Variants in OTOGL observed in about 807,000 individuals in gnomAD.
OTOGL encodes otogelin like, also known as otogelin-like protein.
A neutral mutation model predicts 318.5 loss-of-function variants in OTOGL; 285 were observed. The ratio of observed to expected loss-of-function variants is 0.89; its 90% CI spans 0.81 to 0.99. The LOEUF (loss-of-function observed/expected upper bound fraction) is 0.99. OTOGL is among the 50% of genes least tolerant of loss of function. The pLI is 0.00. For missense variants in OTOGL, 2,899 were observed against 2,845.6 expected, an observed-to-expected ratio of 1.02 and a Z score of -0.43; for synonymous variants, 987 against 936.5, an observed-to-expected ratio of 1.05 and a Z score of -0.99.
chr12:80,353,510 G>GGTAA lies in OTOGL; in HGVS notation c.5593+2_5593+5dup. The GGTAA allele has an allele frequency of 6.5e-7, 1 of 1,533,898 alleles. No individual in the cohort carries two copies. The highest frequency in any genetic ancestry group is 8.8e-7 in the Non-Finnish European group (1 of 1,136,928). On this transcript the variant is annotated frameshift_variant and splice_region_variant. Coordinates refer to ENST00000547103, the MANE Select transcript of OTOGL (RefSeq NM_001378609.3). LOFTEE classifies it high-confidence loss of function. ...CCAGTGCATTCCAGAGAAAGAGTGT[G>GGTAA]GTAAGACACAAAGTACAAAATGACT...
chr12:80,320,700 G>A lies in OTOGL; in HGVS notation c.4081G>A (p.Glu1361Lys), dbSNP rs1415322589. ...ACATTCAAGTAGCTTCAGCATAGAA[G>A]GTATGTTTCCTGAGATCTCCAAAAA... ...FKHSSSFSIE[E>K]IQAAVPYRKM... is the part of the protein sequence containing the mutation. The change falls in exon 34 of 59, where the codon GAA becomes AAA. Residue 1361 changes from glutamate (E) to lysine (K), a missense_variant and splice_region_variant. Physicochemically the swap from Glu to Lys is moderately conservative, Grantham distance 56 (BLOSUM62 1). Transcript: ENST00000547103. 4 of 1,591,418 alleles carry A rather than the reference G, an allele frequency of 2.5e-6. No homozygotes were observed. Among genetic ancestry groups the A allele is most frequent in the Non-Finnish European group, 3.4e-6 (4 of 1,168,980 alleles).
chr12:80,350,946 A>C (rs540380021), intron 44 of OTOGL, among the ~76,000 whole-genome samples: 28 of 152,056 alleles, frequency 1.8e-4, no homozygotes, highest in Non-Finnish European at 3.4e-4. Context: ...TGTTTTCTGT[A>C]CTTTGGGGTT....
chr12:80,243,195 A>G (rs999943718), intron 11 of OTOGL, among the ~76,000 whole-genome samples: 1 of 152,132 alleles, frequency 6.6e-6, no homozygotes, highest in African/African-American at 2.4e-5. Flanking sequence ...TGACACCTTA[A>G]CCTACAGAGG....
chr12:80,355,732 T>G lies in OTOGL; in HGVS notation c.5594-4T>G. On this transcript the variant is annotated splice_polypyrimidine_tract_variant and splice_region_variant and intron_variant, in intron 46 of 58. Coordinates refer to ENST00000547103, the MANE Select transcript of OTOGL (RefSeq NM_001378609.3). Reference sequence around the variant, plus strand: ...AGTGTTATAATACTGTTGATCTTTTTAAGCATGCACTGATAGTGAAGACCA... The same window carrying G: ...AGTGTTATAATACTGTTGATCTTTTGAAGCATGCACTGATAGTGAAGACCA... 6.2e-7 allele frequency: 1 copy of G among 1,606,714 alleles called. No homozygotes were observed. Among genetic ancestry groups the G allele is most frequent in the Non-Finnish European group, 8.5e-7 (1 of 1,175,768 alleles).
At chr12:80,224,398 T>TG (rs112026395) in intron 7 of OTOGL, among the ~76,000 whole-genome samples, 3,371 of 152,100 alleles carry the variant, frequency 0.022, 131 homozygotes, top group African/African-American at 0.076. Flanking sequence ...TTTGGCTATG[T>TG]GGCTTTTTTG....
intron 1 of OTOGL, among the ~76,000 whole-genome samples, chr12:80,120,060 T>C (rs1033527503): frequency 1.3e-5 from 2 of 152,174 alleles, no homozygotes; most frequent in Non-Finnish European, 2.9e-5. Flanking sequence ...TTTAGACTTT[T>C]TACCATTTTT....
intron 1 of OTOGL, among the ~76,000 whole-genome samples, chr12:80,144,383 A>C (rs954336880): frequency 6.6e-6 from 1 of 151,110 alleles, no homozygotes; most frequent in African/African-American, 2.4e-5. Flanking sequence ...AAGGACATGA[A>C]CTCATCATTT....
At chr12:80,266,219 G>T in intron 20 of OTOGL, 1 of 498,846 alleles carries the variant, frequency 2.0e-6, no homozygotes, top group South Asian at 2.9e-5. Flanking sequence ...TACCATTTGC[G>T]AAGCTGAAAA....
At chr12:80,287,176 C>T (rs148215603) in intron 26 of OTOGL, among the ~76,000 whole-genome samples, 4 of 151,502 alleles carry the variant, frequency 2.6e-5, no homozygotes, top group Admixed American at 6.6e-5. Flanking sequence ...TTCAGGAGCA[C>T]GTTGTTCAGT....
At chr12:80,339,303 T>TTTA in intron 43 of OTOGL, 39 bp downstream of exon 43, 4 of 929,644 alleles carry the variant, frequency 4.3e-6, no homozygotes, top group Non-Finnish European at 5.9e-6. Flanking sequence ...CGTCTGTTTT[T>TTTA]TTTTTTTTTT....
chr12:80,124,162 T>C (rs1870662576), intron 1 of OTOGL, among the ~76,000 whole-genome samples: 1 of 152,256 alleles, frequency 6.6e-6, no homozygotes, highest in African/African-American at 2.4e-5. Context: ...AGGGTTTTTA[T>C]GGTTTTATGT....
chr12:80,267,387 T>G (rs1171028637), intron 22 of OTOGL, 60 bp downstream of exon 22: 6 of 839,958 alleles, frequency 7.1e-6, no homozygotes, highest in Admixed American at 4.2e-5. Context: ...TATAATTCTT[T>G]CTTTTATATA....
rs376241747 is a variant in OTOGL, at chr12:80,180,511, T to G, written c.-19-28902T>G. Among the ~76,000 whole-genome samples, 30 of 152,240 alleles carry G rather than the reference T, an allele frequency of 2.0e-4. 1 individual carries two copies. The highest frequency in any genetic ancestry group is 3.3e-4 in the Admixed American group (5 of 15,278). ...AAGGCCTCTGCAGTGAAGGAGTCTG[T>G]GGGGGAACACTAAGGGCAGTGCTAT... On this transcript the variant is annotated intron_variant, in intron 1 of 58. Transcript: ENST00000547103.
chr12:80,119,468 A>T lies in OTOGL; in HGVS notation c.-20+19863A>T, dbSNP rs111271921. Among the ~76,000 whole-genome samples the T allele has an allele frequency of 3.0e-3, 460 of 152,326 alleles. 4 individuals carry two copies. Among genetic ancestry groups the T allele is most frequent in the African/African-American group, 0.01 (423 of 41,580 alleles). On this transcript the variant is annotated intron_variant, in intron 1 of 58. Coordinates refer to ENST00000547103, the MANE Select transcript of OTOGL (RefSeq NM_001378609.3). ...AGAGATTGTCTATAATAGAGATTGTATATAATATAATCACAATGTCGGCCG... is the reference window on the plus strand; with the variant it reads ...AGAGATTGTCTATAATAGAGATTGTTTATAATATAATCACAATGTCGGCCG...
chr12:80,215,420 G>T (rs1057105893), intron 4 of OTOGL, among the ~76,000 whole-genome samples: 2 of 151,972 alleles, frequency 1.3e-5, no homozygotes, highest in Non-Finnish European at 1.5e-5. Context: ...ACCCACCACG[G>T]CCTCCCAAAG....
At chr12:80,306,857 G>A (rs1452943286) in intron 29 of OTOGL, among the ~76,000 whole-genome samples, 1 of 149,840 alleles carries the variant, frequency 6.7e-6, no homozygotes. Flanking sequence ...CTCGCAGAGG[G>A]GGATTTGGCA....
At chr12:80,185,220 T>C (rs187088485) in intron 1 of OTOGL, among the ~76,000 whole-genome samples, 25 of 152,134 alleles carry the variant, frequency 1.6e-4, no homozygotes, top group Admixed American at 2.6e-4. Context: ...GTAGGCATAG[T>C]GGTTAGGTAC....
intron 1 of OTOGL, among the ~76,000 whole-genome samples, chr12:80,156,153 C>A (rs896661937): frequency 6.6e-6 from 1 of 152,342 alleles, no homozygotes; most frequent in Non-Finnish European, 1.5e-5. Context: ...TATCCTCAAT[C>A]TGGATGGGCA....
At chr12:80,345,239 A>T (rs12422798) in intron 44 of OTOGL, among the ~76,000 whole-genome samples, 18,814 of 136,350 alleles carry the variant, frequency 0.14, 1,333 homozygotes, top group Middle Eastern at 0.19. Flanking sequence ...ATATATATAT[A>T]TTTTTTTGAA....
Sources: gnomAD v4.1 joint callset for allele counts (sites outside exome capture counted in the v4.1 genomes callset) on GRCh38, gnomAD v4.1.1 for gene constraint, MANE v1.5 for transcripts, NCBI Gene and HGNC (gene_info 2026-07-23, HGNC 2026-07-21) for gene names.